The following ECT2 variants were observed in gnomAD, a reference collection of about 807,000 sequenced individuals.
The protein encoded by ECT2 is protein ECT2.
ECT2 carries 61 observed loss-of-function variants against 116.9 expected under a neutral mutation model. The ratio of observed to expected loss-of-function variants is 0.52; its 90% CI spans 0.42 to 0.65. The LOEUF is 0.65. Among genes scored for constraint, ECT2 ranks in the 30% least tolerant of loss-of-function variants. The pLI is 0.00. For missense variants in ECT2, 937 were observed against 1,078.7 expected, an observed-to-expected ratio of 0.87 and a Z score of 1.84; for synonymous variants, 358 against 346.4, an observed-to-expected ratio of 1.03 and a Z score of -0.37.
At chr3:172,807,673 C>A in intron 21 of ECT2, 97 bp from the exon 22 acceptor site, 4 of 1,339,294 alleles carry the variant, frequency 3.0e-6, no homozygotes, top group Non-Finnish European at 4.1e-6. Context: ...TAGTTCATTT[C>A]ATTGGAATTT....
intron 14 of ECT2, among the ~76,000 whole-genome samples, chr3:172,775,660 G>A (rs1056529661): frequency 1.7e-4 from 26 of 150,724 alleles, no homozygotes; most frequent in African/African-American, 6.1e-4. Context: ...TTGAGGTGGA[G>A]TCTCACACTG....
At chr3:172,758,733 TGA>T (rs1717600620) in intron 5 of ECT2, among the ~76,000 whole-genome samples, 1 of 152,202 alleles carries the variant, frequency 6.6e-6, no homozygotes, top group African/African-American at 2.4e-5. Flanking sequence ...TTTAATTTGC[TGA>T]GAGTAAAGTG....
intron 6 of ECT2, among the ~76,000 whole-genome samples, chr3:172,759,528 G>T (rs1416628238): frequency 3.3e-5 from 5 of 152,026 alleles, no homozygotes; most frequent in Non-Finnish European, 7.4e-5. Flanking sequence ...TGCAAACTCC[G>T]CTTCCCAGGT....
chr3:172,786,594 T>G lies in ECT2; in HGVS notation c.1907+20T>G. Reference sequence around the variant, plus strand: ...AATGACGTAAGTGCATTATTTTCAATTTTTGATTGTGCCTTAGATTTCGAA... The same window carrying G: ...AATGACGTAAGTGCATTATTTTCAAGTTTTGATTGTGCCTTAGATTTCGAA... On this transcript the variant is annotated intron_variant, in intron 18 of 24. Transcript: ENST00000392692. 6.7e-7 allele frequency: 1 copy of G among 1,495,396 alleles called. No individual in the cohort carries two copies. Among genetic ancestry groups the G allele is most frequent in the Non-Finnish European group, 9.3e-7 (1 of 1,080,520 alleles). 92.6% of individuals were successfully genotyped at this position (1,495,396 alleles called of 1,614,324 possible). A position where few individuals can be genotyped will look rare whatever the true frequency, so the allele number is the denominator to read the frequency against.
intron 11 of ECT2, 94 bp downstream of exon 11, chr3:172,763,066 AT>A: frequency 7.7e-7 from 1 of 1,296,938 alleles, no homozygotes; most frequent in Admixed American, 2.2e-5. Context: ...ATGTTTAGGA[AT>A]TTCAGAATGA....
rs200377134 is a variant in ECT2 at position 172,774,070 on chromosome 3, A to G, written c.1548+48A>G. The G allele has an allele frequency of 1.2e-3, 1,820 of 1,563,836 alleles. 1 individual carries two copies. The highest frequency in any genetic ancestry group is 1.5e-3 in the Non-Finnish European group (1,732 of 1,138,206). ...GGTAGTAATTTTTTTCAGATTGTACATATTTATTATGATCTTTGAGGTACT... is the reference window on the plus strand; with the variant it reads ...GGTAGTAATTTTTTTCAGATTGTACGTATTTATTATGATCTTTGAGGTACT... On this transcript the variant is annotated intron_variant, in intron 14 of 24. Transcript: ENST00000392692.
In ECT2 at chr3:172,755,589, A is replaced by C; in HGVS notation, c.303+14A>C. Reference sequence around the variant, plus strand: ...GTTATTAATATGGTAGGTCAAAGTAACTCATTGCATGTGGCATGCTGCACT... The same window carrying C: ...GTTATTAATATGGTAGGTCAAAGTACCTCATTGCATGTGGCATGCTGCACT... On this transcript the variant is annotated intron_variant, in intron 4 of 24. Coordinates refer to ENST00000392692, the MANE Select transcript of ECT2 (RefSeq NM_001258315.2). The C allele has an allele frequency of 1.5e-6, 2 of 1,312,534 alleles. No homozygotes were observed. The highest frequency in any genetic ancestry group is 2.1e-6 in the Non-Finnish European group (2 of 966,018). The allele number at this position is 1,312,534 out of a possible 1,614,324, so 81.3% of individuals were successfully genotyped here.
At chr3:172,784,904 C>T (rs1723340104) in intron 17 of ECT2, 101 bp downstream of exon 17, 4 of 750,742 alleles carry the variant, frequency 5.3e-6, no homozygotes, top group Non-Finnish European at 6.3e-6. Flanking sequence ...TCTTAGATTT[C>T]AGCATTAAAG....
intron 12 of ECT2, among the ~76,000 whole-genome samples, chr3:172,764,996 G>A (rs1719054438): frequency 6.6e-6 from 1 of 152,132 alleles, no homozygotes; most frequent in African/African-American, 2.4e-5. Context: ...GTAAACAAAT[G>A]TGTTTTCTAG....
At chr3:172,770,069 A>G (rs73880269) in intron 13 of ECT2, among the ~76,000 whole-genome samples, 9,332 of 152,210 alleles carry the variant, frequency 0.061, 966 homozygotes, top group African/African-American at 0.21. Flanking sequence ...GTCATAGAGA[A>G]GTTATTTTTC....
intron 15 of ECT2, 98 bp from the exon 16 acceptor site, chr3:172,783,701 T>C: frequency 1.3e-6 from 1 of 743,240 alleles, no homozygotes; most frequent in South Asian, 1.6e-5. Context: ...GCATCCACTA[T>C]GTCAGATTGT....
At chr3:172,775,056 T>C (rs1350009481) in intron 14 of ECT2, among the ~76,000 whole-genome samples, 1 of 152,228 alleles carries the variant, frequency 6.6e-6, no homozygotes, top group African/African-American at 2.4e-5. Flanking sequence ...GAGACAATGC[T>C]GTCCTCTTTG....
chr3:172,754,442 G>T (rs1716551467), intron 1 of ECT2, 67 bp from the exon 2 acceptor site: 1 of 1,129,394 alleles, frequency 8.9e-7, no homozygotes, highest in African/African-American at 1.6e-5. Flanking sequence ...GGTAAAAAGA[G>T]CCTCTAATAC....
At chr3:172,780,151 C>T (rs1188936237) in intron 14 of ECT2, among the ~76,000 whole-genome samples, 1 of 151,962 alleles carries the variant, frequency 6.6e-6, no homozygotes, top group Non-Finnish European at 1.5e-5. Context: ...TGTATATATA[C>T]ATAGCATATA....
chr3:172,805,983 G>A (rs1296455816), intron 21 of ECT2, 114 bp downstream of exon 21: 3 of 1,089,020 alleles, frequency 2.8e-6, no homozygotes, highest in African/African-American at 1.6e-5. Flanking sequence ...AATATAGTTG[G>A]TCAGACTGCT....
intron 14 of ECT2, among the ~76,000 whole-genome samples, chr3:172,779,477 G>A (rs1436631351): frequency 6.6e-6 from 1 of 152,140 alleles, no homozygotes; most frequent in Non-Finnish European, 1.5e-5. Flanking sequence ...AAAGATTGAA[G>A]AAGTTTTACC....
chr3:172,783,029 C>T (rs559360841), intron 15 of ECT2, among the ~76,000 whole-genome samples: 1 of 152,044 alleles, frequency 6.6e-6, no homozygotes, highest in South Asian at 2.1e-4. Flanking sequence ...TATTTTTCTC[C>T]CTTCTTAGTT....
At chr3:172,772,682 T>C (rs1169663345) in intron 13 of ECT2, among the ~76,000 whole-genome samples, 1 of 152,216 alleles carries the variant, frequency 6.6e-6, no homozygotes, top group Admixed American at 6.5e-5. Context: ...TGAGAACTCT[T>C]TACCTAAGTT....
intron 11 of ECT2, 85 bp downstream of exon 11, chr3:172,763,057 T>C (rs540021412): frequency 2.2e-5 from 30 of 1,388,156 alleles, no homozygotes; most frequent in East Asian, 1.6e-4. Context: ...TTTAGAAGCA[T>C]GTTTAGGAAT....
Sources: allele counts gnomAD v4.1 joint callset (sites outside exome capture counted in the v4.1 genomes callset), GRCh38; gene constraint gnomAD v4.1.1; transcripts MANE v1.5; gene names NCBI Gene and HGNC (gene_info 2026-07-23, HGNC 2026-07-21).